Variants in SLC12A6 observed in about 807,000 individuals in gnomAD.
SLC12A6 encodes solute carrier family 12 member 6, also known as K-Cl cotransporter 3.
A neutral mutation model predicts 135.3 loss-of-function variants in SLC12A6; 66 were observed. The ratio of observed to expected loss-of-function variants is 0.49; its 90% CI spans 0.40 to 0.60. SLC12A6 has a LOEUF of 0.60. SLC12A6 is among the 20% of genes least tolerant of loss of function. The pLI is 0.00. For missense variants in SLC12A6, 1,058 were observed against 1,452.3 expected (o/e 0.73, Z 4.41); for synonymous variants, 513 against 508.8 (o/e 1.01, Z -0.11).
intron 3 of SLC12A6, among the ~76,000 whole-genome samples, chr15:34,265,803 A>G (rs1893472742): frequency 6.6e-6 from 1 of 152,222 alleles, no homozygotes; most frequent in East Asian, 1.9e-4. Flanking sequence ...CAATTTTAAA[A>G]GATCCTAAAG....
At chr15:34,297,770 T>A (rs1895971461) in intron 2 of SLC12A6, among the ~76,000 whole-genome samples, 1 of 152,186 alleles carries the variant, frequency 6.6e-6, no homozygotes, top group Non-Finnish European at 1.5e-5. Context: ...TGGGTCATAT[T>A]AGGAAAATCT....
chr15:34,308,907 T>C (rs549573213), intron 2 of SLC12A6, among the ~76,000 whole-genome samples: 81 of 152,186 alleles, frequency 5.3e-4, no homozygotes, highest in Non-Finnish European at 1.1e-3. Flanking sequence ...ATGTTTAAAG[T>C]AGAAACAGCG....
intron 13 of SLC12A6, among the ~76,000 whole-genome samples, chr15:34,247,645 C>T (rs1892088394): frequency 1.3e-5 from 2 of 152,128 alleles, no homozygotes; most frequent in East Asian, 1.9e-4. Context: ...ACTGCCAGTA[C>T]CCAAAATTCT....
intron 2 of SLC12A6, among the ~76,000 whole-genome samples, chr15:34,333,478 G>T (rs12101684): frequency 6.6e-6 from 1 of 151,824 alleles, no homozygotes; most frequent in Admixed American, 6.6e-5. Flanking sequence ...GAATCCACCC[G>T]CCTCGGCCTC....
intron 2 of SLC12A6, among the ~76,000 whole-genome samples, chr15:34,294,695 G>C (rs1034464833): frequency 6.6e-6 from 1 of 152,116 alleles, no homozygotes; most frequent in Admixed American, 6.6e-5. Flanking sequence ...AGTCTCCTGA[G>C]TAGCTAGGAT....
chr15:34,332,219 T>C (rs151260481), intron 2 of SLC12A6, among the ~76,000 whole-genome samples: 72 of 152,356 alleles, frequency 4.7e-4, no homozygotes, highest in African/African-American at 1.7e-3. Context: ...TAACTTTCCT[T>C]AGAACAGATT....
chr15:34,279,979 A>G (rs966892505), intron 2 of SLC12A6, among the ~76,000 whole-genome samples: 1 of 152,234 alleles, frequency 6.6e-6, no homozygotes, highest in African/African-American at 2.4e-5. Context: ...AGTAAGAATG[A>G]AGATTTTAGT....
In SLC12A6 at chr15:34,336,975, GCTAC is replaced by G. The variant is rs550491777; in HGVS notation, c.-72-227_-72-224del. The G allele has an allele frequency of 1.4e-3, 582 of 422,904 alleles. 6 individuals are homozygous for G. Among genetic ancestry groups the G allele is most frequent in the African/African-American group, 0.011 (533 of 49,468 alleles). 26.2% of individuals were successfully genotyped at this position (422,904 alleles called of 1,614,324 possible). A position where few individuals can be genotyped will look rare whatever the true frequency, so the allele number is the denominator to read the frequency against. ...TGACTTCTTTCCTTCAGAATGAAGAGCTACCTAGCTAACCCCTCTGGTCCGGGGC... is the reference window on the plus strand; with the variant it reads ...TGACTTCTTTCCTTCAGAATGAAGAGCTAGCTAACCCCTCTGGTCCGGGGC... On this transcript the variant is annotated intron_variant, in intron 1 of 25. Coordinates refer to ENST00000354181, the MANE Select transcript of SLC12A6 (RefSeq NM_001365088.1).
At chr15:34,254,261 T>C (rs375877144) in intron 9 of SLC12A6, 87 bp downstream of exon 9, 5 of 1,347,646 alleles carry the variant, frequency 3.7e-6, no homozygotes, top group Middle Eastern at 2.1e-4. Context: ...AGAGACTCTA[T>C]GAAATTCTGA....
intron 13 of SLC12A6, among the ~76,000 whole-genome samples, chr15:34,247,711 T>TC (rs1422520198): frequency 6.6e-6 from 1 of 150,964 alleles, no homozygotes; most frequent in East Asian, 1.9e-4. Context: ...ATCCTGACTT[T>TC]TTTTTTTTTT....
rs1218768966 is a variant in SLC12A6, at chr15:34,237,450, CGTAA to C, written c.2899_2902del (p.Leu967AlafsTer6). ...CACCACTTCTACCTCCGCCTCAATG[CGTAA>C]GTGATATAGGAAGGTGGCTAGGTCC... is the stretch of plus-strand genomic sequence containing the variant. On this transcript the variant is annotated frameshift_variant, in exon 22 of 26. Coordinates refer to ENST00000354181, the MANE Select transcript of SLC12A6 (RefSeq NM_001365088.1). LOFTEE classifies it high-confidence loss of function. 4 of 1,612,912 alleles carry C rather than the reference CGTAA, an allele frequency of 2.5e-6. No homozygotes were observed. Among genetic ancestry groups the C allele is most frequent in the Admixed American group, 1.7e-5 (1 of 59,982 alleles).
intron 2 of SLC12A6, among the ~76,000 whole-genome samples, chr15:34,311,855 C>A (rs150515338): frequency 6.6e-6 from 1 of 150,488 alleles, no homozygotes; most frequent in African/African-American, 2.5e-5. Context: ...TTGTATTGTT[C>A]TTTTTATCAT....
In SLC12A6 at chr15:34,233,783, G is replaced by C; in HGVS notation, c.*98C>G. 2.7e-6 allele frequency: 2 copies of C among 747,172 alleles called. No individual in the cohort carries two copies. The highest frequency in any genetic ancestry group is 5.0e-6 in the Non-Finnish European group (2 of 403,220). 46.3% of individuals were successfully genotyped at this position (747,172 alleles called of 1,614,324 possible). A position where few individuals can be genotyped will look rare whatever the true frequency, so the allele number is the denominator to read the frequency against. On this transcript the variant is annotated 3_prime_UTR_variant, in exon 26 of 26. Coordinates refer to ENST00000354181, the MANE Select transcript of SLC12A6 (RefSeq NM_001365088.1). ...TCAGTATGATGTGTACAGAACACAG[G>C]CTTCTAGTTGAGTGGGAGTGGTAGT...
chr15:34,273,904 G>C (rs1180993171), intron 3 of SLC12A6, among the ~76,000 whole-genome samples: 1 of 151,704 alleles, frequency 6.6e-6, no homozygotes, highest in East Asian at 1.9e-4. Flanking sequence ...ATTATAGAGA[G>C]TCAAGCATTA....
chr15:34,259,786 A>C (rs1240249650), intron 4 of SLC12A6, among the ~76,000 whole-genome samples: 1 of 152,220 alleles, frequency 6.6e-6, no homozygotes, highest in Admixed American at 6.5e-5. Context: ...ATGTTGTCTT[A>C]TTCAGATAAG....
intron 2 of SLC12A6, among the ~76,000 whole-genome samples, chr15:34,325,756 T>C (rs1889418667): frequency 6.6e-6 from 1 of 152,200 alleles, no homozygotes; most frequent in South Asian, 2.1e-4. Flanking sequence ...GAAAGGATCA[T>C]GCATTCACTC....
At chr15:34,237,825 G>GGGT (rs1337450932) in intron 21 of SLC12A6, among the ~76,000 whole-genome samples, 1 of 152,172 alleles carries the variant, frequency 6.6e-6, no homozygotes, top group Non-Finnish European at 1.5e-5. Context: ...ACTTTATTCA[G>GGGT]ACAGTGTATC....
At chr15:34,260,493 T>C (rs865795738) in intron 4 of SLC12A6, among the ~76,000 whole-genome samples, 3 of 152,118 alleles carry the variant, frequency 2.0e-5, no homozygotes, top group South Asian at 2.1e-4. Flanking sequence ...CTCCTAACCT[T>C]GTGATCCACC....
chr15:34,272,223 C>T (rs1894012259), intron 3 of SLC12A6, among the ~76,000 whole-genome samples: 1 of 152,164 alleles, frequency 6.6e-6, no homozygotes, highest in South Asian at 2.1e-4. Context: ...CTTGCTTTGG[C>T]CTCCCAAAGT....
Sources: allele counts gnomAD v4.1 joint callset (sites outside exome capture counted in the v4.1 genomes callset), GRCh38; gene constraint gnomAD v4.1.1; transcripts MANE v1.5; gene names NCBI Gene and HGNC (gene_info 2026-07-23, HGNC 2026-07-21).